ADK: variants seen among roughly 807,000 people sequenced by gnomAD.
ADK encodes the protein adenosine kinase.
In ADK, 24 loss-of-function variants were observed where a neutral mutation model predicts 44.7. The ratio of observed to expected loss-of-function variants is 0.54; its 90% confidence interval spans 0.39 to 0.76. ADK has a LOEUF of 0.76. Ranked by LOEUF, ADK falls within the 30% of genes least tolerant of loss-of-function variation. The pLI is 0.00. For missense variants in ADK, 321 were observed against 425.1 expected, an observed-to-expected ratio of 0.76 and a Z score of 2.15; for synonymous variants, 128 against 142.6, an observed-to-expected ratio of 0.90 and a Z score of 0.73.
chr10:74,227,033 A>G (rs1236034179), intron 3 of ADK, among the ~76,000 whole-genome samples: 6 of 152,222 alleles, frequency 3.9e-5, no homozygotes, highest in Non-Finnish European at 8.8e-5. Context: ...GTTTATAAAT[A>G]ATCTCATTTG....
At chr10:74,685,177 CCTT>C (rs1369849579) in intron 10 of ADK, among the ~76,000 whole-genome samples, 2 of 151,992 alleles carry the variant, frequency 1.3e-5, no homozygotes, top group East Asian at 1.9e-4. Context: ...ATAAGTTTGA[CCTT>C]CTCTCATGAT....
intron 4 of ADK, 54 bp downstream of exon 4, chr10:74,314,799 T>G: frequency 7.7e-7 from 1 of 1,304,564 alleles, no homozygotes; most frequent in Non-Finnish European, 1.1e-6. Context: ...TAGACCCATG[T>G]CTATTTTGCA....
intron 4 of ADK, among the ~76,000 whole-genome samples, chr10:74,360,420 G>GT (rs1842296728): frequency 6.6e-6 from 1 of 152,176 alleles, no homozygotes; most frequent in South Asian, 2.1e-4. Flanking sequence ...CTAGAGTATA[G>GT]TTTTTTACTT....
chr10:74,559,899 C>G (rs1431344943), intron 7 of ADK, among the ~76,000 whole-genome samples: 1 of 150,358 alleles, frequency 6.7e-6, no homozygotes, highest in African/African-American at 2.4e-5. Context: ...GAAATAAATC[C>G]TTACTTGTAA....
intron 6 of ADK, chr10:74,423,874 G>T: frequency 4.1e-6 from 1 of 245,838 alleles, no homozygotes; most frequent in Non-Finnish European, 8.4e-6. Context: ...TGTAAGGAAG[G>T]CTGCTCTGAT....
At chr10:74,583,105 G>A (rs1297952797) in intron 7 of ADK, among the ~76,000 whole-genome samples, 9 of 152,156 alleles carry the variant, frequency 5.9e-5, no homozygotes, top group Non-Finnish European at 1.2e-4. Context: ...TAAAGTAAAG[G>A]TAACTCATAG....
chr10:74,501,389 A>C (rs1014932369), intron 6 of ADK, among the ~76,000 whole-genome samples: 2 of 152,176 alleles, frequency 1.3e-5, no homozygotes, highest in African/African-American at 4.8e-5. Flanking sequence ...CGTGTTTATA[A>C]AATTTCCACT....
intron 3 of ADK, among the ~76,000 whole-genome samples, chr10:74,293,165 CAAAA>C (rs59635944): frequency 2.8e-3 from 223 of 79,094 alleles, no homozygotes; most frequent in African/African-American, 0.011. Flanking sequence ...AACCCTGTCT[CAAAA>C]AAAAAAAAAA....
chr10:74,696,840 G>T (rs554054840), intron 10 of ADK, among the ~76,000 whole-genome samples: 7 of 152,220 alleles, frequency 4.6e-5, no homozygotes, highest in Non-Finnish European at 1.0e-4. Context: ...GGCCTGAGGG[G>T]TCCTTATAGG....
chr10:74,547,239 T>C (rs1418681782), intron 7 of ADK, among the ~76,000 whole-genome samples: 1 of 151,926 alleles, frequency 6.6e-6, no homozygotes, highest in African/African-American at 2.4e-5. Context: ...GAATGTTCTT[T>C]CTAGTGATTT....
chr10:74,525,147 A>T, intron 6 of ADK, 109 bp from the exon 7 acceptor site: 1 of 1,115,036 alleles, frequency 9.0e-7, no homozygotes, highest in Non-Finnish European at 1.3e-6. Context: ...CTTGCATCTT[A>T]TAATTGTATT....
intron 6 of ADK, among the ~76,000 whole-genome samples, chr10:74,429,343 T>A (rs1332368492): frequency 2.6e-5 from 4 of 152,226 alleles, no homozygotes; most frequent in Non-Finnish European, 5.9e-5. Context: ...TAGGATCAAT[T>A]TGAGATTCAA....
At chr10:74,361,790 CTT>C (rs2131944464) in intron 4 of ADK, among the ~76,000 whole-genome samples, 2 of 152,264 alleles carry the variant, frequency 1.3e-5, no homozygotes, top group South Asian at 4.1e-4. Context: ...CTAAGAAAGT[CTT>C]TATTTCTCCT....
intron 6 of ADK, among the ~76,000 whole-genome samples, chr10:74,435,511 A>G (rs1246377393): frequency 6.6e-6 from 1 of 152,208 alleles, no homozygotes; most frequent in Non-Finnish European, 1.5e-5. Context: ...AGAAAAAAAT[A>G]CTTGAAGAAA....
intron 3 of ADK, among the ~76,000 whole-genome samples, chr10:74,264,394 G>T (rs1461526616): frequency 1.3e-5 from 2 of 152,094 alleles, no homozygotes; most frequent in African/African-American, 2.4e-5. Context: ...ATATAGTGAG[G>T]CTGAGCCTTT....
intron 9 of ADK, among the ~76,000 whole-genome samples, chr10:74,628,576 A>G (rs1482312705): frequency 1.3e-5 from 2 of 151,784 alleles, no homozygotes; most frequent in Non-Finnish European, 2.9e-5. Context: ...ACTGACTGCT[A>G]TTCAACCAAA....
chr10:74,652,038 C>G (rs1217457507), intron 9 of ADK, among the ~76,000 whole-genome samples: 1 of 146,098 alleles, frequency 6.8e-6, no homozygotes, highest in African/African-American at 2.6e-5. Flanking sequence ...TATGAAGGAA[C>G]TTTCTTTCTT....
At chr10:74,313,333 G>A (rs939235335) in intron 3 of ADK, among the ~76,000 whole-genome samples, 3 of 151,578 alleles carry the variant, frequency 2.0e-5, no homozygotes, top group Admixed American at 6.6e-5. Flanking sequence ...TTTTTTTTGG[G>A]GGGGAGAGGT....
intron 6 of ADK, among the ~76,000 whole-genome samples, chr10:74,452,961 T>C (rs1845825642): frequency 6.6e-6 from 1 of 152,068 alleles, no homozygotes; most frequent in Admixed American, 6.5e-5. Context: ...CCACACTTTA[T>C]AGATTTGTAT....
Sources: allele counts gnomAD v4.1 joint callset (sites outside exome capture counted in the v4.1 genomes callset), GRCh38; gene constraint gnomAD v4.1.1; transcripts MANE v1.5; gene names NCBI Gene and HGNC (gene_info 2026-07-23, HGNC 2026-07-21).